MTUS2: variants seen among roughly 807,000 people sequenced by gnomAD.
MTUS2 encodes microtubule-associated tumor suppressor candidate 2.
Under a neutral mutation model 114.1 loss-of-function variants are expected in MTUS2, and 40 were observed. That is an observed-to-expected ratio of 0.35 (90% CI 0.27 to 0.46). The LOEUF is 0.46. Ranked by LOEUF, MTUS2 falls within the 20% of genes least tolerant of loss-of-function variation. The pLI is 1.00. For missense variants in MTUS2, 1,679 were observed against 1,705.4 expected (o/e 0.98, Z 0.27); for synonymous variants, 688 against 672.0 (o/e 1.02, Z -0.37).
intron 9 of MTUS2, among the ~76,000 whole-genome samples, chr13:29,456,719 TGAAA>T (rs1424587734): frequency 6.6e-6 from 1 of 151,350 alleles, no homozygotes; most frequent in Admixed American, 6.6e-5. Context: ...TATTAAGTGA[TGAAA>T]GAAAGAAAAA....
intron 1 of MTUS2, among the ~76,000 whole-genome samples, chr13:28,838,758 C>T (rs1000075808): frequency 6.6e-6 from 1 of 151,596 alleles, no homozygotes; most frequent in East Asian, 1.9e-4. Flanking sequence ...AGGGGGAAGC[C>T]GAGGGGGTTG....
At chr13:29,277,044 T>A (rs988745093) in intron 5 of MTUS2, among the ~76,000 whole-genome samples, 3 of 152,342 alleles carry the variant, frequency 2.0e-5, no homozygotes, top group African/African-American at 7.2e-5. Context: ...TATTAATCTC[T>A]GTTCTCTATG....
chr13:29,200,818 C>A (rs910553477), intron 5 of MTUS2, among the ~76,000 whole-genome samples: 3 of 152,046 alleles, frequency 2.0e-5, no homozygotes, highest in Non-Finnish European at 4.4e-5. Flanking sequence ...CATGCCTGGA[C>A]TGGAGTCAGT....
intron 8 of MTUS2, among the ~76,000 whole-genome samples, chr13:29,409,662 T>A (rs1875067689): frequency 6.6e-6 from 1 of 152,242 alleles, no homozygotes. Flanking sequence ...GATTCATGTT[T>A]ATTTCCTTAT....
At chr13:29,342,107 T>C (rs1901428685) in intron 7 of MTUS2, among the ~76,000 whole-genome samples, 1 of 152,176 alleles carries the variant, frequency 6.6e-6, no homozygotes, top group African/African-American at 2.4e-5. Context: ...TTGTTCTTTT[T>C]GCTTAGCCTT....
chr13:29,047,916 T>G (rs1162090115), intron 4 of MTUS2, among the ~76,000 whole-genome samples: 1 of 150,736 alleles, frequency 6.6e-6, no homozygotes, highest in East Asian at 2.0e-4. Flanking sequence ...TGGAATCATA[T>G]GCTTTAAGCC....
intron 6 of MTUS2, among the ~76,000 whole-genome samples, chr13:29,284,902 A>T (rs1898413758): frequency 6.6e-6 from 1 of 152,208 alleles, no homozygotes; most frequent in Non-Finnish European, 1.5e-5. Flanking sequence ...CCAGGTTGTG[A>T]TGTCTGAATG....
intron 2 of MTUS2, among the ~76,000 whole-genome samples, chr13:28,989,689 C>T (rs1348041692): frequency 1.3e-5 from 2 of 152,100 alleles, no homozygotes; most frequent in South Asian, 2.1e-4. Context: ...CACCTCACTC[C>T]TTCTGCTGGG....
At chr13:29,394,049 C>T (rs563014109) in intron 8 of MTUS2, among the ~76,000 whole-genome samples, 19 of 152,220 alleles carry the variant, frequency 1.2e-4, no homozygotes, top group African/African-American at 4.6e-4. Flanking sequence ...GATTTGGGAG[C>T]CCCAAGATTT....
chr13:28,831,929 T>C (rs1874712180), intron 1 of MTUS2, among the ~76,000 whole-genome samples: 1 of 149,196 alleles, frequency 6.7e-6, no homozygotes, highest in African/African-American at 2.4e-5. Flanking sequence ...GCTATTTTTT[T>C]GTATTTTTTT....
At chr13:29,481,331 T>C (rs1881155134) in intron 10 of MTUS2, among the ~76,000 whole-genome samples, 1 of 152,190 alleles carries the variant, frequency 6.6e-6, no homozygotes, top group Non-Finnish European at 1.5e-5. Context: ...TTAGCGCTGA[T>C]GAGAGGCAGG....
chr13:29,328,470 G>A (rs1020022084), intron 7 of MTUS2, among the ~76,000 whole-genome samples: 2 of 152,196 alleles, frequency 1.3e-5, no homozygotes, highest in Non-Finnish European at 2.9e-5. Flanking sequence ...GATCATAGGT[G>A]GGTTTTAGGG....
intron 9 of MTUS2, among the ~76,000 whole-genome samples, chr13:29,475,308 A>G (rs568160711): frequency 8.6e-4 from 131 of 152,402 alleles, no homozygotes; most frequent in Non-Finnish European, 1.7e-3. Flanking sequence ...TCTAGCACAT[A>G]TAATTATGTT....
At chr13:29,234,610 GA>G (rs1014701745) in intron 5 of MTUS2, among the ~76,000 whole-genome samples, 19 of 152,096 alleles carry the variant, frequency 1.2e-4, no homozygotes, top group Non-Finnish European at 1.5e-4. Flanking sequence ...CAAACACTTA[GA>G]AAAAAACTCC....
At chr13:28,946,657 A>T (rs541892695) in intron 2 of MTUS2, among the ~76,000 whole-genome samples, 92 of 152,204 alleles carry the variant, frequency 6.0e-4, no homozygotes, top group Non-Finnish European at 1.2e-3. Context: ...AAACAATTTG[A>T]AATTCAGATA....
At chr13:29,200,827 G>T (rs1894924629) in intron 5 of MTUS2, among the ~76,000 whole-genome samples, 1 of 152,100 alleles carries the variant, frequency 6.6e-6, no homozygotes, top group African/African-American at 2.4e-5. Flanking sequence ...ACTGGAGTCA[G>T]TTTCTTAATC....
intron 2 of MTUS2, among the ~76,000 whole-genome samples, chr13:28,993,877 GT>G (rs1365502207): frequency 2.0e-5 from 3 of 151,698 alleles, no homozygotes; most frequent in Non-Finnish European, 2.9e-5. Flanking sequence ...ATATTCTATA[GT>G]TTATTTTAAT....
In MTUS2 at chr13:29,505,594, T is replaced by C. The variant is rs1278365513; in HGVS notation, c.*2388T>C. ...CTTCCACCCCCCCACACCATCAGAA[T>C]TCGGATTTCTCTCCACGTGGCGTCT... On this transcript the variant is annotated 3_prime_UTR_variant, in exon 16 of 16. Coordinates refer to ENST00000612955, the MANE Select transcript of MTUS2 (RefSeq NM_001033602.4). 1 of 230,416 alleles carries C rather than the reference T, an allele frequency of 4.3e-6. No individual in the cohort carries two copies. 14.3% of individuals were successfully genotyped at this position (230,416 alleles called of 1,614,324 possible).
At chr13:28,878,370 T>C (rs948694189) in intron 2 of MTUS2, among the ~76,000 whole-genome samples, 2 of 152,142 alleles carry the variant, frequency 1.3e-5, no homozygotes, top group Admixed American at 6.5e-5. Flanking sequence ...ATGTGCAGTA[T>C]GTGCAGGTTT....
Sources: allele counts gnomAD v4.1 joint callset (sites outside exome capture counted in the v4.1 genomes callset), GRCh38; gene constraint gnomAD v4.1.1; transcripts MANE v1.5; gene names NCBI Gene and HGNC (gene_info 2026-07-23, HGNC 2026-07-21).